Variants in PDE1A observed in about 807,000 individuals in gnomAD.
PDE1A encodes dual specificity calcium/calmodulin-dependent 3',5'-cyclic nucleotide phosphodiesterase 1A.
Under a neutral mutation model 61.7 loss-of-function variants are expected in PDE1A, and 35 were observed. The ratio of observed to expected loss-of-function variants is 0.57; its 90% CI spans 0.43 to 0.75. The LOEUF is 0.75. Ranked by LOEUF, PDE1A falls within the 30% of genes least tolerant of loss-of-function variation. The probability of loss-of-function intolerance (pLI) is 0.00; values close to 1 mark genes in which losing one functional copy is unlikely to be tolerated. For synonymous variants in PDE1A, 232 were observed against 213.2 expected (o/e 1.09, Z -0.77); for missense variants, 597 against 630.6 (o/e 0.95, Z 0.57).
chr2:182,572,969 G>A, the PDE1A span, among the ~76,000 whole-genome samples: 1 of 151,146 alleles, frequency 6.6e-6, no homozygotes, highest in Admixed American at 6.6e-5. Flanking sequence ...TAACTAAAAT[G>A]AAAGAATTCA....
intron 2 of PDE1A, among the ~76,000 whole-genome samples, chr2:182,496,387 TTTA>T (rs1320186870): frequency 3.3e-5 from 5 of 152,258 alleles, no homozygotes; most frequent in Non-Finnish European, 5.9e-5. Context: ...ATGTATCTTT[TTTA>T]TTATTATTTT....
exon 14 of PDE1A, chr2:182,168,230 G>T: frequency 6.3e-7 from 1 of 1,575,346 alleles, no homozygotes; most frequent in East Asian, 2.3e-5. Context: ...CATGCACGAG[G>T]TTTTACTTAA....
At chr2:182,248,982 T>G (rs975413732) in intron 2 of PDE1A, among the ~76,000 whole-genome samples, 4 of 152,338 alleles carry the variant, frequency 2.6e-5, no homozygotes, top group Non-Finnish European at 5.9e-5. Context: ...ATATATCAGG[T>G]GACTAAACTG....
chr2:182,608,926 C>T, the PDE1A span, among the ~76,000 whole-genome samples: 3 of 152,216 alleles, frequency 2.0e-5, no homozygotes, highest in Non-Finnish European at 4.4e-5. Flanking sequence ...CCAATCAGCA[C>T]TCTGTATCTA....
chr2:182,609,853 C>G, the PDE1A span, among the ~76,000 whole-genome samples: 2 of 152,138 alleles, frequency 1.3e-5, no homozygotes, highest in Non-Finnish European at 2.9e-5. Flanking sequence ...CTTGGGAGGC[C>G]GAGGCAGGTG....
At chr2:182,563,765 G>T in the PDE1A span, among the ~76,000 whole-genome samples, 4 of 152,174 alleles carry the variant, frequency 2.6e-5, no homozygotes, top group Non-Finnish European at 5.9e-5. Flanking sequence ...ATATATTTAG[G>T]ATAGTTAGCT....
At chr2:182,327,692 G>A (rs2124909280) in intron 1 of PDE1A, among the ~76,000 whole-genome samples, 1 of 152,292 alleles carries the variant, frequency 6.6e-6, no homozygotes, top group South Asian at 2.1e-4. Context: ...ACTGGCTGGA[G>A]ACACAGGGAC....
At chr2:182,235,365 A>C (rs1689929821) in intron 3 of PDE1A, among the ~76,000 whole-genome samples, 1 of 152,194 alleles carries the variant, frequency 6.6e-6, no homozygotes, top group Non-Finnish European at 1.5e-5. Flanking sequence ...GCTGGTCTCA[A>C]ACTCCTAACC....
chr2:182,620,197 T>A, the PDE1A span, among the ~76,000 whole-genome samples: 2 of 152,302 alleles, frequency 1.3e-5, no homozygotes, highest in Admixed American at 1.3e-4. Context: ...ATTTAATAAA[T>A]AACAATTAAT....
chr2:182,714,483 G>T, the PDE1A span, among the ~76,000 whole-genome samples: 1 of 152,108 alleles, frequency 6.6e-6, no homozygotes, highest in East Asian at 1.9e-4. Context: ...TCTTCATTCA[G>T]TGGGTAGTAT....
chr2:182,538,305 C>A, the PDE1A span, among the ~76,000 whole-genome samples: 2 of 152,178 alleles, frequency 1.3e-5, no homozygotes, highest in East Asian at 3.9e-4. Flanking sequence ...AGAGACTGTG[C>A]CTCTCTTGCT....
chr2:182,199,820 T>G (rs1407764789), intron 10 of PDE1A, among the ~76,000 whole-genome samples: 1 of 152,052 alleles, frequency 6.6e-6, no homozygotes, highest in Non-Finnish European at 1.5e-5. Context: ...TCTCTAGGAA[T>G]ATAAATTGCA....
At chr2:182,146,727 G>T (rs557120653), downstream of PDE1A, among the ~76,000 whole-genome samples, 4 of 152,122 alleles carry the variant, frequency 2.6e-5, no homozygotes, top group South Asian at 4.2e-4. Context: ...CTTGTGATTT[G>T]CCCGCCTTGG....
At position 182,207,726 on chromosome 2, in the gene PDE1A, C is replaced by A. The variant is rs370632976; in HGVS notation, c.777-1661G>T. On this transcript the variant is annotated intron_variant, in intron 7 of 13. Transcript: ENST00000351439. ...AGATGTCTCCAGGGCATTTCAGAGA[C>A]CTTCATGGCAGCCCCTCCTATCACA... Among the ~76,000 whole-genome samples the A allele has an allele frequency of 2.3e-4, 35 of 152,308 alleles. 1 individual carries two copies. The East Asian group carries it at 5.2e-3, about 23-fold the overall frequency.
the PDE1A span, among the ~76,000 whole-genome samples, chr2:182,679,005 CTTTTTT>C: frequency 1.6e-5 from 2 of 127,658 alleles, no homozygotes; most frequent in African/African-American, 2.9e-5. Flanking sequence ...TTTGGTTTCT[CTTTTTT>C]TTTTTTTTTT....
intron 13 of PDE1A, among the ~76,000 whole-genome samples, chr2:182,162,716 A>T (rs1056811064): frequency 6.6e-6 from 1 of 152,180 alleles, no homozygotes; most frequent in African/African-American, 2.4e-5. Context: ...CTGAACTGAC[A>T]TTGATCCCAA....
intron 2 of PDE1A, among the ~76,000 whole-genome samples, chr2:182,498,428 A>G (rs1688854986): frequency 6.6e-6 from 1 of 152,120 alleles, no homozygotes; most frequent in Admixed American, 6.5e-5. Flanking sequence ...AAAGTTTTGT[A>G]TTTTTTTAAA....
chr2:182,199,195 C>A (rs933725906), intron 10 of PDE1A, among the ~76,000 whole-genome samples: 4 of 151,836 alleles, frequency 2.6e-5, no homozygotes, highest in Non-Finnish European at 5.9e-5. Context: ...GATATTCTCT[C>A]TTTCATTTAT....
intron 13 of PDE1A, among the ~76,000 whole-genome samples, chr2:182,184,460 A>G (rs953483013): frequency 6.6e-6 from 1 of 152,170 alleles, no homozygotes; most frequent in African/African-American, 2.4e-5. Flanking sequence ...AAAAAAAATC[A>G]TTCAACAATT....
Sources: gnomAD v4.1 joint callset for allele counts (sites outside exome capture counted in the v4.1 genomes callset) on GRCh38, gnomAD v4.1.1 for gene constraint, MANE v1.5 for transcripts, NCBI Gene and HGNC (gene_info 2026-07-23, HGNC 2026-07-21) for gene names.